The following IRAK3 variants were observed in gnomAD, a reference collection of about 807,000 sequenced individuals.
IRAK3 encodes interleukin 1 receptor associated kinase 3.
In IRAK3, 57 loss-of-function variants were observed where a neutral mutation model predicts 56.6. The observed-to-expected ratio is 1.01, with a 90% confidence interval of 0.81 to 1.26. The LOEUF (loss-of-function observed/expected upper bound fraction) is 1.26, where lower values mean the gene tolerates loss of function less well. Ranked by LOEUF, IRAK3 falls within the 50% of genes most tolerant of loss-of-function variation. IRAK3 has a pLI of 0.00. For synonymous variants in IRAK3, 258 were observed against 255.7 expected (o/e 1.01, Z -0.09); for missense variants, 703 against 719.0 (o/e 0.98, Z 0.25).
chr12:66,246,691 G>A (rs2053036536), intron 11 of IRAK3, among the ~76,000 whole-genome samples: 1 of 152,204 alleles, frequency 6.6e-6, no homozygotes, highest in South Asian at 2.1e-4. Flanking sequence ...TATAAAATGA[G>A]AATGATTAAT....
intron 8 of IRAK3, among the ~76,000 whole-genome samples, chr12:66,241,333 A>T (rs1449950509): frequency 6.6e-6 from 1 of 152,176 alleles, no homozygotes; most frequent in Non-Finnish European, 1.5e-5. Flanking sequence ...TGGGTCAAAG[A>T]TGTCTTTTAT....
chr12:66,203,828 G>A lies in IRAK3; in HGVS notation c.251G>A (p.Gly84Asp), dbSNP rs1352822722. Residue 84 changes from glycine (G) to aspartate (D), a missense_variant, in exon 2 of 12, where the codon GGT becomes GAT. Gly to Asp is a moderately conservative substitution (Grantham distance 94, BLOSUM62 -1). Transcript: ENST00000261233. ...WSWAQKNKTI[G>D]DLLQVLQEMG... ...TGGGCACAGAAAAACAAGACCATCG[G>A]TGACCTTTTACAGGTCCTCCAGGAG... 2 of 1,614,016 alleles carry A rather than the reference G, an allele frequency of 1.2e-6. No homozygotes were observed. Among genetic ancestry groups the A allele is most frequent in the Non-Finnish European group, 8.5e-7 (1 of 1,179,922 alleles).
At chr12:66,229,807 C>A (rs2052825653) in intron 8 of IRAK3, among the ~76,000 whole-genome samples, 1 of 152,200 alleles carries the variant, frequency 6.6e-6, no homozygotes, top group Admixed American at 6.5e-5. Context: ...CAACACTGAG[C>A]ACACTAAGTG....
chr12:66,240,768 G>A (rs2052960189), intron 8 of IRAK3, among the ~76,000 whole-genome samples: 1 of 150,932 alleles, frequency 6.6e-6, no homozygotes, highest in South Asian at 2.1e-4. Context: ...GAGTTTCCAG[G>A]CACCCAGGCG....
At chr12:66,190,168 GTTTATTGAA>G (rs2052385930) in intron 1 of IRAK3, among the ~76,000 whole-genome samples, 1 of 152,160 alleles carries the variant, frequency 6.6e-6, no homozygotes, top group East Asian at 1.9e-4. Flanking sequence ...CATGTTTAAT[GTTTATTGAA>G]AAGAATCATG....
At chr12:66,215,504 T>C (rs2052660529) in intron 5 of IRAK3, among the ~76,000 whole-genome samples, 1 of 152,208 alleles carries the variant, frequency 6.6e-6, no homozygotes, top group South Asian at 2.1e-4. Context: ...GCAGCTTTTT[T>C]TGAAGAGCTC....
At chr12:66,230,358 AG>A (rs1374904227) in intron 8 of IRAK3, among the ~76,000 whole-genome samples, 4 of 152,158 alleles carry the variant, frequency 2.6e-5, no homozygotes, top group Non-Finnish European at 5.9e-5. Flanking sequence ...GAAAGGAAAA[AG>A]GCAGGATTGG....
chr12:66,196,729 A>G (rs1035867183), intron 1 of IRAK3: 38 of 682,878 alleles, frequency 5.6e-5, no homozygotes, highest in African/African-American at 4.6e-4. Context: ...ACAGTCTGGT[A>G]TGAAGAATAG....
intron 9 of IRAK3, 32 bp from the exon 10 acceptor site, chr12:66,244,916 T>C (rs758459006): frequency 6.7e-7 from 1 of 1,496,378 alleles, no homozygotes; most frequent in Non-Finnish European, 9.3e-7. Context: ...ATTTTTAAGA[T>C]ATATAGCTGA....
intron 7 of IRAK3, among the ~76,000 whole-genome samples, chr12:66,227,297 T>TA (rs926996680): frequency 3.9e-5 from 6 of 152,056 alleles, no homozygotes; most frequent in Non-Finnish European, 7.4e-5. Flanking sequence ...TCGCCTCTAC[T>TA]AAAAAAATAA....
chr12:66,217,198 TG>T lies in IRAK3; in HGVS notation c.618del (p.Trp206Ter). On this transcript the variant is annotated frameshift_variant, in exon 6 of 12. Coordinates refer to ENST00000261233, the MANE Select transcript of IRAK3 (RefSeq NM_007199.3). LOFTEE classifies it high-confidence loss of function. The part of the protein sequence containing the change: ...QEKKMQCKKH[W>X]KRFLSELEVL... The stretch of plus-strand genomic sequence containing the variant: ...GAAAAAAATGCAGTGTAAGAAGCAT[TG>T]GAAGAGGTTTTTATCTGAGCTTGAA... The T allele has an allele frequency of 1.2e-6, 2 of 1,611,692 alleles. No homozygotes were observed. The highest frequency in any genetic ancestry group is 1.7e-6 in the Non-Finnish European group (2 of 1,177,852).
chr12:66,240,036 A>G (rs571650365), intron 8 of IRAK3, among the ~76,000 whole-genome samples: 3 of 152,132 alleles, frequency 2.0e-5, no homozygotes, highest in Non-Finnish European at 4.4e-5. Context: ...TTGTTCCTTG[A>G]GTTGGTGTCT....
At chr12:66,239,632 A>G (rs1360823427) in intron 8 of IRAK3, among the ~76,000 whole-genome samples, 1 of 152,080 alleles carries the variant, frequency 6.6e-6, no homozygotes, top group East Asian at 1.9e-4. Flanking sequence ...CAAAAAGCCT[A>G]TTTTTATCTT....
At chr12:66,241,049 C>G (rs1015280092) in intron 8 of IRAK3, among the ~76,000 whole-genome samples, 1 of 151,954 alleles carries the variant, frequency 6.6e-6, no homozygotes, top group Non-Finnish European at 1.5e-5. Context: ...ATTCTCATTA[C>G]AAAGTAGCAT....
chr12:66,221,301 T>C (rs931695550), intron 6 of IRAK3, among the ~76,000 whole-genome samples: 4 of 152,212 alleles, frequency 2.6e-5, no homozygotes, highest in African/African-American at 9.6e-5. Context: ...ATGTCATCTG[T>C]AGACAGAGCC....
chr12:66,234,897 C>A (rs1363321029), intron 8 of IRAK3: 1 of 1,613,958 alleles, frequency 6.2e-7, no homozygotes, highest in Non-Finnish European at 8.5e-7. Flanking sequence ...TGTTGCTTTG[C>A]CATTTGAGCT....
At chr12:66,211,649 T>A (rs543093296) in intron 5 of IRAK3, 52 bp downstream of exon 5, 3 of 1,440,310 alleles carry the variant, frequency 2.1e-6, no homozygotes, top group Admixed American at 1.7e-5. Flanking sequence ...TTTGTTCATC[T>A]TTCATATTAA....
chr12:66,206,566 T>C (rs2052560025), intron 2 of IRAK3, among the ~76,000 whole-genome samples: 1 of 152,258 alleles, frequency 6.6e-6, no homozygotes, highest in Admixed American at 6.5e-5. Flanking sequence ...ATTCCTGGGA[T>C]AAATCCCATT....
At chr12:66,207,963 G>A (rs2052573372) in intron 2 of IRAK3, among the ~76,000 whole-genome samples, 2 of 152,136 alleles carry the variant, frequency 1.3e-5, no homozygotes, top group Admixed American at 1.3e-4. Context: ...TCTGGAAAAT[G>A]TTCAATTTAT....
Sources: allele counts gnomAD v4.1 joint callset (sites outside exome capture counted in the v4.1 genomes callset), GRCh38; gene constraint gnomAD v4.1.1; transcripts MANE v1.5; gene names NCBI Gene and HGNC (gene_info 2026-07-23, HGNC 2026-07-21).